Variants in ZBBX observed in about 807,000 individuals in gnomAD.
The protein encoded by ZBBX is zinc finger B-box domain containing.
ZBBX carries 101 observed loss-of-function variants against 108.5 expected under a neutral mutation model. That is an observed-to-expected ratio of 0.93 (90% confidence interval 0.79 to 1.10). The LOEUF is 1.10. Ranked by LOEUF, ZBBX falls within the 50% of genes least tolerant of loss-of-function variation. ZBBX has a pLI of 0.00. For synonymous variants in ZBBX, 356 were observed against 323.4 expected (o/e 1.10, Z -1.08); for missense variants, 1,009 against 941.4 (o/e 1.07, Z -0.94).
At chr3:167,294,839 T>G (rs1252416311) in intron 18 of ZBBX, among the ~76,000 whole-genome samples, 2 of 151,596 alleles carry the variant, frequency 1.3e-5, no homozygotes, top group Non-Finnish European at 3.0e-5. Flanking sequence ...GAACTTAAAT[T>G]TACAAGAAAA....
At chr3:167,396,288 G>C (rs140407547) in intron 1 of ZBBX, among the ~76,000 whole-genome samples, 2 of 152,108 alleles carry the variant, frequency 1.3e-5, no homozygotes, top group African/African-American at 2.4e-5. Flanking sequence ...ATGTATAAAT[G>C]AATGACAATG....
At position 167,239,977 on chromosome 3, in the gene ZBBX, G is replaced by A. The variant is rs374109035; in HGVS notation, c.*816C>T. ...AGCAAAGAGAAGTCCTGAGCAAAAG[G>A]GGGGACAGCCCCTTATAAAACCATC... On this transcript the variant is annotated 3_prime_UTR_variant, in exon 22 of 22. Transcript: ENST00000675490. Among the ~76,000 whole-genome samples, 1 of 152,014 alleles carries A rather than the reference G, an allele frequency of 6.6e-6. No homozygotes were observed. Among genetic ancestry groups the A allele is most frequent in the Non-Finnish European group, 1.5e-5 (1 of 67,980 alleles).
the ZBBX span, among the ~76,000 whole-genome samples, chr3:167,199,422 A>G: frequency 6.6e-6 from 1 of 152,172 alleles, no homozygotes. Flanking sequence ...TGGGCAGGAG[A>G]CTTCCCTCCT....
chr3:167,269,824 C>CAT (rs1032184164), intron 20 of ZBBX, among the ~76,000 whole-genome samples: 1 of 152,168 alleles, frequency 6.6e-6, no homozygotes, highest in African/African-American at 2.4e-5. Flanking sequence ...AGTAAAATTC[C>CAT]ATATATCCAT....
chr3:167,343,688 T>C (rs1275176410), intron 9 of ZBBX, among the ~76,000 whole-genome samples: 1 of 151,856 alleles, frequency 6.6e-6, no homozygotes, highest in East Asian at 1.9e-4. Flanking sequence ...TTCATATTAC[T>C]AGGATGTTAG....
the ZBBX span, among the ~76,000 whole-genome samples, chr3:167,209,279 G>A: frequency 6.6e-6 from 1 of 151,668 alleles, no homozygotes; most frequent in Non-Finnish European, 1.5e-5. Flanking sequence ...TGGGTCTTGG[G>A]TGAGATGCAG....
rs535259871 is a variant in ZBBX at position 167,370,050 on chromosome 3, G to T, written c.69-1476C>A. ...GGATTTATATTGTATGAACAATGAG[G>T]ATCATTAAAGGGTTTTAAGAGAATT... On this transcript the variant is annotated intron_variant, in intron 4 of 21. Coordinates refer to ENST00000675490, the MANE Select transcript of ZBBX (RefSeq NM_001199201.2). Among the ~76,000 whole-genome samples the T allele has an allele frequency of 1.2e-4, 19 of 152,272 alleles. No homozygotes were observed. The South Asian group carries it at 3.9e-3, about 32-fold the overall frequency.
intron 8 of ZBBX, among the ~76,000 whole-genome samples, chr3:167,357,736 T>C (rs900466071): frequency 6.6e-6 from 1 of 152,144 alleles, no homozygotes; most frequent in Non-Finnish European, 1.5e-5. Context: ...CGTATGTTTA[T>C]TGCGGCACTA....
intron 13 of ZBBX, 73 bp from the exon 14 acceptor site, chr3:167,317,178 C>A (rs1560114398): frequency 4.8e-6 from 5 of 1,036,288 alleles, no homozygotes; most frequent in Admixed American, 4.7e-5. Context: ...AATAAGATAG[C>A]CACCAAAAAA....
chr3:167,334,256 T>C (rs1739173816), intron 9 of ZBBX, among the ~76,000 whole-genome samples: 1 of 152,138 alleles, frequency 6.6e-6, no homozygotes, highest in Non-Finnish European at 1.5e-5. Context: ...ATAAATATTT[T>C]TATCTGTTTT....
At chr3:167,268,985 T>G (rs1042665444) in intron 20 of ZBBX, among the ~76,000 whole-genome samples, 5 of 152,120 alleles carry the variant, frequency 3.3e-5, no homozygotes, top group Admixed American at 6.5e-5. Context: ...TGCAAAGTCC[T>G]GGAGCTGGGA....
At chr3:167,292,736 C>G (rs1261606276) in intron 18 of ZBBX, among the ~76,000 whole-genome samples, 1 of 151,912 alleles carries the variant, frequency 6.6e-6, no homozygotes, top group Non-Finnish European at 1.5e-5. Flanking sequence ...CACAAAAAAC[C>G]CTTCAAAAAA....
At position 167,333,928 on chromosome 3, in the gene ZBBX, C is replaced by T. The variant is rs774838449; in HGVS notation, c.586G>A (p.Val196Ile). ...TCCTCTTTGGGTTCATCTGGATTAA[C>T]ATCCTTTATAAACTGATGGGCAACA... Reference protein sequence around the residue: ...LDVAHQFIKDVNPDEPKEENN... With the variant: ...LDVAHQFIKDINPDEPKEENN... Residue 196 changes from valine (V) to isoleucine (I), a missense_variant, in exon 10 of 22, where the codon GTT becomes ATT. By Grantham distance (29) the Val-to-Ile change is conservative. Coordinates refer to ENST00000675490, the MANE Select transcript of ZBBX (RefSeq NM_001199201.2). 6.8e-6 allele frequency: 11 copies of T among 1,611,446 alleles called. No homozygotes were observed. The East Asian group carries it at 2.0e-4, about 29-fold the overall frequency.
At position 167,298,318 on chromosome 3, in the gene ZBBX, C is replaced by T. The variant is rs1732024237; in HGVS notation, c.1866G>A (p.Arg622=). Residue 622 remains arginine, a synonymous_variant, in exon 18 of 22, where the codon AGG becomes AGA. Transcript: ENST00000675490. ...CTAGAAATTTACCTGCAAGTGTAAT[C>T]CTAGTACTGGAATTGTTGCATTCTA... The part of the protein sequence containing the change: ...HRLECNNSST[R]ITLAEDREWI... 1.0e-5 allele frequency: 16 copies of T among 1,594,564 alleles called. No individual in the cohort carries two copies. Among genetic ancestry groups the T allele is most frequent in the South Asian group, 2.3e-5 (2 of 85,802 alleles).
chr3:167,356,990 G>A (rs1158333273), intron 8 of ZBBX, among the ~76,000 whole-genome samples: 1 of 152,078 alleles, frequency 6.6e-6, no homozygotes, highest in Non-Finnish European at 1.5e-5. Context: ...GCTTAATTTT[G>A]AACACATTAA....
chr3:167,178,974 T>A, the ZBBX span, among the ~76,000 whole-genome samples: 10 of 152,116 alleles, frequency 6.6e-5, no homozygotes, highest in African/African-American at 2.2e-4. Context: ...ATATCAGTAA[T>A]GTGTTTAATA....
chr3:167,404,387 G>A (rs1698884671), intron 1 of ZBBX, among the ~76,000 whole-genome samples: 1 of 152,108 alleles, frequency 6.6e-6, no homozygotes, highest in South Asian at 2.1e-4. Context: ...ATTGTATTAC[G>A]AATAACCAGG....
intron 20 of ZBBX, among the ~76,000 whole-genome samples, chr3:167,250,648 C>A (rs1420884857): frequency 7.9e-5 from 12 of 151,988 alleles, no homozygotes; most frequent in Admixed American, 7.9e-4. Flanking sequence ...AGTCTGACTG[C>A]CATTTACCCC....
the ZBBX span, among the ~76,000 whole-genome samples, chr3:167,200,252 C>T: frequency 5.8e-3 from 877 of 152,214 alleles, 7 homozygotes; most frequent in African/African-American, 0.02. Flanking sequence ...CATGATTCAA[C>T]GCAGTACACC....
Sources: allele counts gnomAD v4.1 joint callset (sites outside exome capture counted in the v4.1 genomes callset), GRCh38; gene constraint gnomAD v4.1.1; transcripts MANE v1.5; gene names NCBI Gene and HGNC (gene_info 2026-07-23, HGNC 2026-07-21).